The following LRCH2 variants were observed in gnomAD, a reference collection of about 807,000 sequenced individuals.
LRCH2 encodes the protein leucine rich repeats and calponin homology domain containing 2.
In LRCH2, 38 loss-of-function variants were observed where a neutral mutation model predicts 68.9. The ratio of observed to expected loss-of-function variants is 0.55; its 90% CI spans 0.43 to 0.72. LRCH2 has a LOEUF of 0.72. Ranked by LOEUF, LRCH2 falls within the 30% of genes least tolerant of loss-of-function variation. LRCH2 has a pLI of 0.00. For synonymous variants in LRCH2, 191 were observed against 208.1 expected (o/e 0.92, Z 0.71); for missense variants, 528 against 572.9 (o/e 0.92, Z 0.80).
intron 1 of LRCH2, among the ~76,000 whole-genome samples, chrX:115,224,591 G>A (rs1362808775): frequency 9.2e-6 from 1 of 108,896 alleles, no homozygotes; most frequent in African/African-American, 3.4e-5. Flanking sequence ...GGCTGAGGTA[G>A]GAGGATCACT....
At chrX:115,156,526 T>C (rs1265119781) in intron 12 of LRCH2, 76 bp downstream of exon 12, 2 of 594,121 alleles carry the variant, frequency 3.4e-6, no homozygotes, top group Admixed American at 4.1e-5. Flanking sequence ...TTAAAGCCTA[T>C]ATACAAAAAC....
At position 115,165,427 on chromosome X, in the gene LRCH2, C is replaced by T; in HGVS notation, c.1333G>A (p.Glu445Lys). ...EKCSEKSRKNEELGDEKRLEK... is the reference protein window; with the variant it reads ...EKCSEKSRKNKELGDEKRLEK... ...TACCTTTTTTCATCTCCTAATTCTT[C>T]ATTTTTCCGAGATTTTTCAGAACAT... The change falls in exon 10 of 21, where the codon GAA becomes AAA. Residue 445 changes from glutamate to lysine, a missense_variant. Glu to Lys is a moderately conservative substitution (Grantham distance 56). Coordinates refer to ENST00000317135, the MANE Select transcript of LRCH2 (RefSeq NM_020871.4). The T allele has an allele frequency of 1.8e-6, 2 of 1,133,281 alleles. No homozygotes were observed. Among genetic ancestry groups the T allele is most frequent in the Non-Finnish European group, 2.4e-6 (2 of 847,278 alleles). 93.4% of individuals were successfully genotyped at this position (1,133,281 alleles called of 1,213,427 possible).
At position 115,192,334 on chromosome X, in the gene LRCH2, G is replaced by A. The variant is rs2072846368; in HGVS notation, c.350-3964C>T. On this transcript the variant is annotated intron_variant, in intron 1 of 20. Transcript: ENST00000317135. ...GCCTGACGCCCACAGTGGGGGCCGC[G>A]ACAGTTCCATCAAGAGTTACGGCCT... The A allele has an allele frequency of 2.8e-6, 3 of 1,080,699 alleles. No individual in the cohort carries two copies. The highest frequency in any genetic ancestry group is 3.8e-5 in the East Asian group (1 of 26,643). 89.1% of individuals were successfully genotyped at this position (1,080,699 alleles called of 1,213,427 possible). A position where few individuals can be genotyped will look rare whatever the true frequency, so the allele number is the denominator to read the frequency against.
chrX:115,191,349 C>T (rs2147330324), intron 1 of LRCH2: 6 of 1,150,453 alleles, frequency 5.2e-6, no homozygotes, highest in Non-Finnish European at 7.0e-6. Context: ...ACCGAGGCCG[C>T]TCCCTTGATG....
In LRCH2 at chrX:115,234,054, G is replaced by C. The variant is rs1556579537; in HGVS notation, c.-13C>G. 8.6e-7 allele frequency: 1 copy of C among 1,160,142 alleles called. No individual in the cohort carries two copies. The highest frequency in any genetic ancestry group is 1.8e-5 in the African/African-American group (1 of 54,996). On this transcript the variant is annotated 5_prime_UTR_variant, in exon 1 of 21. Coordinates refer to ENST00000317135, the MANE Select transcript of LRCH2 (RefSeq NM_020871.4). ...GACTCGCCGCCATGTTCCTGGGAGA[G>C]AGAATAGCCCCCGACAATACTGTCA...
intron 14 of LRCH2, among the ~76,000 whole-genome samples, chrX:115,133,610 T>C (rs1435673803): frequency 1.8e-5 from 2 of 111,987 alleles, no homozygotes; most frequent in Non-Finnish European, 3.8e-5. Context: ...TCTCACAATA[T>C]TTCAAACTTT....
At chrX:115,176,568 C>G (rs1187848926) in intron 5 of LRCH2, among the ~76,000 whole-genome samples, 1 of 107,817 alleles carries the variant, frequency 9.3e-6, no homozygotes, top group Non-Finnish European at 1.9e-5. Context: ...CTATTAACCC[C>G]TCATCAGATA....
chrX:115,195,217 G>A (rs1407623704), intron 1 of LRCH2, among the ~76,000 whole-genome samples: 3 of 109,104 alleles, frequency 2.7e-5, no homozygotes, highest in Non-Finnish European at 5.7e-5. Flanking sequence ...CCGGGAGGCA[G>A]AGATTGCAGT....
chrX:115,135,750 C>T (rs1434012060), intron 14 of LRCH2, among the ~76,000 whole-genome samples: 2 of 111,547 alleles, frequency 1.8e-5, no homozygotes, highest in Non-Finnish European at 3.8e-5. Context: ...ATTGATGTGG[C>T]AAACTAGAAA....
chrX:115,171,932 C>T (rs1603056361), intron 5 of LRCH2, among the ~76,000 whole-genome samples: 1 of 110,614 alleles, frequency 9.0e-6, no homozygotes, highest in Non-Finnish European at 1.9e-5. Flanking sequence ...CCTCCCACCT[C>T]GGCCTCACAA....
rs782412258 is a variant in LRCH2, at chrX:115,165,950, T to C, written c.1089A>G (p.Pro363=). The C allele has an allele frequency of 4.4e-6, 5 of 1,140,024 alleles. No homozygotes were observed. The highest frequency in any genetic ancestry group is 3.2e-5 in the East Asian group (1 of 30,979). 94.0% of individuals were successfully genotyped at this position (1,140,024 alleles called of 1,213,427 possible). ...NGEKRLSTTE[P]SDDDTVSLHS... The stretch of plus-strand genomic sequence containing the variant: ...GAAGGCTGACTGTGTCATCATCTGA[T>C]GGCTAAAAGGAATAAGCAAAAAGTA... The change falls in exon 8 of 21, where the codon CCA becomes CCG. Residue 363 remains proline (P), a splice_region_variant and synonymous_variant. Coordinates refer to ENST00000317135, the MANE Select transcript of LRCH2 (RefSeq NM_020871.4).
intron 14 of LRCH2, among the ~76,000 whole-genome samples, chrX:115,137,214 A>G (rs1259413113): frequency 9.0e-6 from 1 of 111,428 alleles, no homozygotes; most frequent in Non-Finnish European, 1.9e-5. Flanking sequence ...TTGCCTGGGC[A>G]AGAAAGTATG....
rs1273915886 is a variant in LRCH2, at chrX:115,214,797, T to C, written c.349+18896A>G. On this transcript the variant is annotated intron_variant, in intron 1 of 20. Coordinates refer to ENST00000317135, the MANE Select transcript of LRCH2 (RefSeq NM_020871.4). ...AGAGGGCAGATACGTGCATGCTCAG[T>C]AAGGAAAGGACTGTGAGTCTCGCAA... Among the ~76,000 whole-genome samples the C allele has an allele frequency of 2.7e-5, 3 of 111,207 alleles. No homozygotes were observed. In the East Asian group the frequency reaches 8.5e-4, roughly 31 times the overall value.
intron 1 of LRCH2, among the ~76,000 whole-genome samples, chrX:115,206,313 T>TCTGG (rs1175534381): frequency 1.8e-5 from 2 of 112,400 alleles, no homozygotes; most frequent in African/African-American, 6.5e-5. Context: ...GGCCCCCAAA[T>TCTGG]CTGGCCATGA....
chrX:115,191,869 G>A (rs1273797983), intron 1 of LRCH2: 17 of 1,136,847 alleles, frequency 1.5e-5, no homozygotes, highest in African/African-American at 4.2e-5. Context: ...CAGCCGGAAC[G>A]ACCCCTGCAG....
intron 10 of LRCH2, among the ~76,000 whole-genome samples, chrX:115,164,979 T>C (rs182867369): frequency 2.5e-3 from 280 of 111,079 alleles, no homozygotes; most frequent in African/African-American, 8.4e-3. Context: ...AAAGTCATAA[T>C]CAGCATGACC....
At chrX:115,232,933 C>A (rs1246819377) in intron 1 of LRCH2, among the ~76,000 whole-genome samples, 2 of 111,590 alleles carry the variant, frequency 1.8e-5, no homozygotes, top group African/African-American at 3.3e-5. Flanking sequence ...AGTGATAAAC[C>A]TTTAATCCAC....
chrX:115,116,323 T>C (rs1556524022), intron 20 of LRCH2, among the ~76,000 whole-genome samples: 1 of 111,350 alleles, frequency 9.0e-6, no homozygotes, highest in Non-Finnish European at 1.9e-5. Context: ...AACTGATGAA[T>C]GGATAAACAA....
At chrX:115,212,282 C>T (rs1323806265) in intron 1 of LRCH2, among the ~76,000 whole-genome samples, 1 of 111,952 alleles carries the variant, frequency 8.9e-6, no homozygotes, top group Non-Finnish European at 1.9e-5. Context: ...CAGATGGATG[C>T]ATGCACATGC....
Sources: allele counts gnomAD v4.1 joint callset (sites outside exome capture counted in the v4.1 genomes callset), GRCh38; gene constraint gnomAD v4.1.1; transcripts MANE v1.5; gene names NCBI Gene and HGNC (gene_info 2026-07-23, HGNC 2026-07-21).